Variants in CNTNAP4 observed in about 807,000 individuals in gnomAD.
The protein encoded by CNTNAP4 is contactin associated protein family member 4.
A neutral mutation model predicts 148.4 loss-of-function variants in CNTNAP4; 98 were observed. The observed-to-expected ratio is 0.66, with a 90% CI of 0.56 to 0.78. The LOEUF (loss-of-function observed/expected upper bound fraction) is 0.78, where lower values mean the gene tolerates loss of function less well. CNTNAP4 is among the 30% of genes least tolerant of loss of function. The pLI is 0.00. For synonymous variants in CNTNAP4, 730 were observed against 565.1 expected, an observed-to-expected ratio of 1.29 and a Z score of -4.14; for missense variants, 1,935 against 1,565.6, an observed-to-expected ratio of 1.24 and a Z score of -3.98.
chr16:76,548,388 G>T (rs2084826754), intron 21 of CNTNAP4, among the ~76,000 whole-genome samples: 2 of 146,896 alleles, frequency 1.4e-5, no homozygotes, highest in African/African-American at 2.5e-5. Context: ...TCATAGGTAG[G>T]ACATATAAAG....
At chr16:76,418,261 C>T (rs2079055238) in intron 3 of CNTNAP4, among the ~76,000 whole-genome samples, 1 of 151,020 alleles carries the variant, frequency 6.6e-6, no homozygotes, top group Non-Finnish European at 1.5e-5. Context: ...TATAATTGCC[C>T]ACAATTCTTG....
chr16:76,350,481 T>A (rs561951617), intron 2 of CNTNAP4, among the ~76,000 whole-genome samples: 28 of 152,314 alleles, frequency 1.8e-4, no homozygotes, highest in African/African-American at 4.8e-4. Context: ...AGTTTGCTTT[T>A]CTTACAATTC....
intron 2 of CNTNAP4, among the ~76,000 whole-genome samples, chr16:76,353,705 T>C (rs1337350627): frequency 6.6e-6 from 1 of 152,122 alleles, no homozygotes; most frequent in East Asian, 1.9e-4. Context: ...TTTACCCTTA[T>C]GCTGTCCTCT....
At chr16:76,440,932 G>A (rs867657572) in intron 4 of CNTNAP4, among the ~76,000 whole-genome samples, 7 of 152,124 alleles carry the variant, frequency 4.6e-5, no homozygotes, top group Admixed American at 2.0e-4. Flanking sequence ...GCAGGGGTGG[G>A]GAGAAGATAC....
At chr16:76,428,073 G>A (rs1325064890) in intron 4 of CNTNAP4, among the ~76,000 whole-genome samples, 2 of 152,104 alleles carry the variant, frequency 1.3e-5, no homozygotes, top group African/African-American at 4.8e-5. Flanking sequence ...TATGCTGTCA[G>A]TATAAATTAA....
intron 17 of CNTNAP4, among the ~76,000 whole-genome samples, chr16:76,526,861 A>G (rs1046062747): frequency 2.6e-5 from 4 of 151,696 alleles, no homozygotes; most frequent in African/African-American, 4.8e-5. Flanking sequence ...TTTTATAGAA[A>G]CAGGGTTTTG....
Position 76,351,281 on chromosome 16 carries a change from C to T in CNTNAP4, c.197-4037C>T, listed in dbSNP as rs994268046. ...TGTTTCCGAGGGCTATGCGGTTTGG[C>T]GGTGGCCATACGGCTGGTGGTCTAA... is the stretch of plus-strand genomic sequence containing the variant. On this transcript the variant is annotated intron_variant, in intron 2 of 23. Coordinates refer to ENST00000611870, the MANE Select transcript of CNTNAP4 (RefSeq NM_033401.5). Among the ~76,000 whole-genome samples the T allele has an allele frequency of 5.3e-5, 8 of 151,784 alleles. No individual in the cohort carries two copies. The East Asian group carries it at 1.4e-3, about 26-fold the overall frequency.
At chr16:76,557,753 T>C (rs1222798477) in intron 23 of CNTNAP4, 1 of 152,200 alleles carries the variant, frequency 6.6e-6, no homozygotes, top group Non-Finnish European at 1.5e-5. Flanking sequence ...GAAATGGAAA[T>C]GTCAACAGAG....
chr16:76,415,354 A>C (rs1051169717), intron 3 of CNTNAP4, among the ~76,000 whole-genome samples: 2 of 151,228 alleles, frequency 1.3e-5, no homozygotes. Flanking sequence ...GTTTGTTTTT[A>C]AATAGAACTT....
At chr16:76,407,453 T>C (rs578029531) in intron 3 of CNTNAP4, among the ~76,000 whole-genome samples, 1 of 151,998 alleles carries the variant, frequency 6.6e-6, no homozygotes, top group South Asian at 2.1e-4. Flanking sequence ...AGAACATTTG[T>C]AACTCATGAG....
chr16:76,325,988 C>T (rs1165864420), intron 2 of CNTNAP4, among the ~76,000 whole-genome samples: 1 of 152,026 alleles, frequency 6.6e-6, no homozygotes, highest in Non-Finnish European at 1.5e-5. Context: ...AAAAATGTTT[C>T]AACAAAGAAA....
At chr16:76,428,641 T>C (rs7185647) in intron 4 of CNTNAP4, among the ~76,000 whole-genome samples, 99,945 of 151,796 alleles carry the variant, frequency 0.66, 33,316 homozygotes, top group East Asian at 0.8. Flanking sequence ...TCCTGTATTT[T>C]GTGATGTTTT....
At chr16:76,377,607 T>G (rs1335816656) in intron 3 of CNTNAP4, among the ~76,000 whole-genome samples, 6 of 151,810 alleles carry the variant, frequency 4.0e-5, no homozygotes, top group Non-Finnish European at 8.8e-5. Flanking sequence ...AAGCAGAGAG[T>G]TGCAAGGGGT....
At chr16:76,496,327 C>G (rs1433659083) in intron 14 of CNTNAP4, among the ~76,000 whole-genome samples, 1 of 151,986 alleles carries the variant, frequency 6.6e-6, no homozygotes, top group African/African-American at 2.4e-5. Context: ...ATAAAAATTA[C>G]CTAATCATCA....
At chr16:76,361,194 G>A (rs138029715) in intron 3 of CNTNAP4, among the ~76,000 whole-genome samples, 37 of 152,174 alleles carry the variant, frequency 2.4e-4, no homozygotes, top group African/African-American at 8.7e-4. Flanking sequence ...TAAGTGCACA[G>A]TACAATACTG....
chr16:76,479,763 A>G (rs971937322), intron 12 of CNTNAP4, among the ~76,000 whole-genome samples: 2 of 152,096 alleles, frequency 1.3e-5, no homozygotes, highest in African/African-American at 2.4e-5. Context: ...CTAATAATAA[A>G]TGTTTCCAAT....
intron 1 of CNTNAP4, among the ~76,000 whole-genome samples, chr16:76,312,403 G>T (rs114037523): frequency 6.6e-6 from 1 of 152,260 alleles, no homozygotes; most frequent in African/African-American, 2.4e-5. Context: ...TTTTATTGGT[G>T]CAGTCAGAGA....
chr16:76,519,167 T>A (rs1169696131), intron 15 of CNTNAP4, among the ~76,000 whole-genome samples: 1 of 152,194 alleles, frequency 6.6e-6, no homozygotes, highest in East Asian at 1.9e-4. Flanking sequence ...CTTAACCCAA[T>A]AAAACTTCCT....
intron 1 of CNTNAP4, among the ~76,000 whole-genome samples, chr16:76,315,131 T>G (rs1961570333): frequency 6.6e-6 from 1 of 152,196 alleles, no homozygotes; most frequent in South Asian, 2.1e-4. Flanking sequence ...AAGCACTGTT[T>G]TATTTGTTCT....
Sources: allele counts gnomAD v4.1 joint callset (sites outside exome capture counted in the v4.1 genomes callset), GRCh38; gene constraint gnomAD v4.1.1; transcripts MANE v1.5; gene names NCBI Gene and HGNC (gene_info 2026-07-23, HGNC 2026-07-21).